Variants in ELFN2 observed in about 807,000 individuals in gnomAD.
The protein encoded by ELFN2 is protein phosphatase 1 regulatory subunit 29.
Under a neutral mutation model 45.5 loss-of-function variants are expected in ELFN2, and 17 were observed. The observed-to-expected ratio is 0.37, with a 90% CI of 0.26 to 0.56. The LOEUF (loss-of-function observed/expected upper bound fraction) is 0.56. ELFN2 is among the 20% of genes least tolerant of loss of function. The probability of loss-of-function intolerance (pLI) is 0.77; values close to 1 mark genes in which losing one functional copy is unlikely to be tolerated. For synonymous variants in ELFN2, 550 were observed against 551.5 expected, an observed-to-expected ratio of 1.00 and a Z score of 0.04; for missense variants, 922 against 1,183.2, an observed-to-expected ratio of 0.78 and a Z score of 3.24.
chr22:37,347,642 ACACAC>A (rs1930729884), intron 1 of ELFN2, among the ~76,000 whole-genome samples: 1 of 10,902 alleles, frequency 9.2e-5, no homozygotes, highest in Non-Finnish European at 1.9e-4. Context: ...GGGTGGCAGA[ACACAC>A]ACACACACAC....
chr22:37,366,754 G>A (rs1931215562), downstream of ELFN2, among the ~76,000 whole-genome samples: 1 of 152,242 alleles, frequency 6.6e-6, no homozygotes, highest in South Asian at 2.1e-4. Flanking sequence ...CCTCACGAAG[G>A]AGGCCTGGGA....
downstream of ELFN2, among the ~76,000 whole-genome samples, chr22:37,366,396 C>G (rs1931208078): frequency 6.6e-6 from 1 of 152,198 alleles, no homozygotes; most frequent in South Asian, 2.1e-4. Flanking sequence ...ACAGGGCTCC[C>G]CCAGCCCAAG....
At chr22:37,379,068 G>A (rs1164082740) in intron 2 of ELFN2, among the ~76,000 whole-genome samples, 3 of 152,214 alleles carry the variant, frequency 2.0e-5, no homozygotes, top group African/African-American at 4.8e-5. Flanking sequence ...AGGGGGTGCT[G>A]CAGGGAGGAG....
chr22:37,345,913 C>G (rs1377221783), intron 1 of ELFN2, among the ~76,000 whole-genome samples: 1 of 152,190 alleles, frequency 6.6e-6, no homozygotes, highest in Non-Finnish European at 1.5e-5. Flanking sequence ...TCTGCTGTTT[C>G]CCTCTTTTCC....
rs142158248 is a variant in ELFN2, at chr22:37,375,836, C to CCCTCCTCCTCCT, written c.-314_-303dup. On this transcript the variant is annotated 5_prime_UTR_variant, in exon 3 of 3. Transcript: ENST00000402918. ...GGGTTCTCAGGGCTTGACTTCCTCT[C>CCCTCCTCCTCCT]CCTCCTCCTCCTCCTCCTCCTCCTC... is the stretch of plus-strand genomic sequence containing the variant. The CCCTCCTCCTCCT allele has an allele frequency of 2.2e-4, 77 of 345,880 alleles. No individual in the cohort carries two copies. Among genetic ancestry groups the CCCTCCTCCTCCT allele is most frequent in the African/African-American group, 1.5e-3 (68 of 44,264 alleles). The allele number at this position is 345,880 out of a possible 1,614,324, so 21.4% of individuals were successfully genotyped here.
At chr22:37,416,813 C>T (rs1452258366) in intron 2 of ELFN2, among the ~76,000 whole-genome samples, 2 of 152,162 alleles carry the variant, frequency 1.3e-5, no homozygotes, top group African/African-American at 2.4e-5. Flanking sequence ...GGCGCACCCA[C>T]CACCCTGCAC....
chr22:37,385,490 T>C (rs1015134828), intron 2 of ELFN2, among the ~76,000 whole-genome samples: 3 of 152,266 alleles, frequency 2.0e-5, no homozygotes, highest in African/African-American at 7.2e-5. Context: ...TCCACTGAGA[T>C]ACAGGGAAGA....
rs543683188 is a variant in ELFN2, at chr22:37,369,444, C to T, written c.*3628G>A. Reference sequence around the variant, plus strand: ...GGACACAGGCTGCTCCCACAGGCCTCCTGCACTGCCTCAGGAGGGGAGCCC... The same window carrying T: ...GGACACAGGCTGCTCCCACAGGCCTTCTGCACTGCCTCAGGAGGGGAGCCC... On this transcript the variant is annotated 3_prime_UTR_variant, in exon 3 of 3. Transcript: ENST00000402918. 1 of 152,402 alleles carries T rather than the reference C, an allele frequency of 6.6e-6. No individual in the cohort carries two copies. Among genetic ancestry groups the T allele is most frequent in the Admixed American group, 6.5e-5 (1 of 15,310 alleles). The allele number at this position is 152,402 out of a possible 1,614,324, so 9.4% of individuals were successfully genotyped here. A position where few individuals can be genotyped will look rare whatever the true frequency, so the allele number is the denominator to read the frequency against.
At chr22:37,392,657 G>C (rs755252766) in intron 2 of ELFN2, among the ~76,000 whole-genome samples, 1 of 152,152 alleles carries the variant, frequency 6.6e-6, no homozygotes, top group Non-Finnish European at 1.5e-5. Flanking sequence ...TGCAGATAAG[G>C]GAAGTAAGGC....
intron 1 of ELFN2, among the ~76,000 whole-genome samples, chr22:37,345,397 G>A (rs1019472289): frequency 5.9e-5 from 9 of 152,144 alleles, no homozygotes; most frequent in Non-Finnish European, 1.3e-4. Flanking sequence ...ACTTCTCTGA[G>A]CCTTAGTTCC....
chr22:37,403,041 G>A (rs537503497), intron 2 of ELFN2, among the ~76,000 whole-genome samples: 6 of 152,114 alleles, frequency 3.9e-5, no homozygotes, highest in Admixed American at 3.9e-4. Context: ...TGCTGGCATC[G>A]AGCAGAAAAA....
intron 2 of ELFN2, among the ~76,000 whole-genome samples, chr22:37,399,420 G>C (rs1483466523): frequency 6.6e-6 from 1 of 152,100 alleles, no homozygotes; most frequent in African/African-American, 2.4e-5. Context: ...GCTCCCTCCT[G>C]TGCCACCCCT....
In ELFN2 at chr22:37,373,444, C is replaced by T; in HGVS notation, c.2091G>A (p.Leu697=). 6.5e-7 allele frequency: 1 copy of T among 1,544,178 alleles called. No homozygotes were observed. The highest frequency in any genetic ancestry group is 8.7e-7 in the Non-Finnish European group (1 of 1,146,960). Residue 697 remains leucine (L), a synonymous_variant, in exon 3 of 3, where the codon CTG becomes CTA. Transcript: ENST00000402918. Reference sequence around the variant, plus strand: ...TGCAGTGGTAGGCCGGCTTCACCTCCAGGTGGTGGATGCCCCCGCCCCCGC... The same window carrying T: ...TGCAGTGGTAGGCCGGCTTCACCTCTAGGTGGTGGATGCCCCCGCCCCCGC... ...GSGGGGGIHH[L]EVKPAYHCSE... is the part of the protein sequence containing the mutation.
At chr22:37,387,840 T>C (rs1398223499) in intron 2 of ELFN2, among the ~76,000 whole-genome samples, 1 of 151,938 alleles carries the variant, frequency 6.6e-6, no homozygotes, top group Middle Eastern at 3.2e-3. Context: ...ATGTCAGCTC[T>C]GGGCTGACCA....
intron 2 of ELFN2, among the ~76,000 whole-genome samples, chr22:37,341,453 G>A (rs74478996): frequency 0.027 from 4,132 of 151,538 alleles, 163 homozygotes; most frequent in African/African-American, 0.086. Flanking sequence ...ACCCGCCTGG[G>A]TCTAGAGGAG....
At chr22:37,410,910 A>G (rs927614613) in intron 2 of ELFN2, among the ~76,000 whole-genome samples, 16 of 152,128 alleles carry the variant, frequency 1.1e-4, no homozygotes, top group African/African-American at 3.6e-4. Flanking sequence ...TTCCTGACCT[A>G]GCACCCAGAA....
intron 2 of ELFN2, among the ~76,000 whole-genome samples, chr22:37,397,313 A>C (rs1601760358): frequency 6.6e-6 from 1 of 152,152 alleles, no homozygotes; most frequent in Non-Finnish European, 1.5e-5. Context: ...AGGGAGTGAA[A>C]ATTGAAAACA....
chr22:37,403,540 G>A (rs377247290), intron 2 of ELFN2, among the ~76,000 whole-genome samples: 10 of 152,208 alleles, frequency 6.6e-5, no homozygotes, highest in Non-Finnish European at 8.8e-5. Flanking sequence ...TTGGGCTCCC[G>A]GGTGTTTGTT....
chr22:37,374,012 C>G lies in ELFN2; in HGVS notation c.1523G>C (p.Gly508Ala), dbSNP rs1294555927. 1 of 1,613,140 alleles carries G rather than the reference C, an allele frequency of 6.2e-7. No individual in the cohort carries two copies. The highest frequency in any genetic ancestry group is 8.5e-7 in the Non-Finnish European group (1 of 1,179,996). ...CCGAGCCAGACCGTCCCCGCCGGCG[C>G]CTGTGCGCACCTCGATATAGTTGCC... ...TKGNYIEVRT[G>A]AGGDGLARPE... The change falls in exon 3 of 3, where the codon GGC (glycine) becomes GCC (alanine). Residue 508 changes from glycine to alanine, a missense_variant. Physicochemically the swap from Gly to Ala is moderately conservative, Grantham distance 60 (BLOSUM62 0). Coordinates refer to ENST00000402918, the MANE Select transcript of ELFN2 (RefSeq NM_052906.5).
Sources: allele counts gnomAD v4.1 joint callset (sites outside exome capture counted in the v4.1 genomes callset), GRCh38; gene constraint gnomAD v4.1.1; transcripts MANE v1.5; gene names NCBI Gene and HGNC (gene_info 2026-07-23, HGNC 2026-07-21).